The following LCORL variants were observed in gnomAD, a reference collection of about 807,000 sequenced individuals.
LCORL encodes ligand dependent nuclear receptor corepressor like.
A neutral mutation model predicts 141.8 loss-of-function variants in LCORL; 41 were observed. The observed-to-expected ratio is 0.29, with a 90% CI of 0.23 to 0.38. The LOEUF (loss-of-function observed/expected upper bound fraction) is 0.38, where lower values mean the gene tolerates loss of function less well. Ranked by LOEUF, LCORL falls within the 10% of genes least tolerant of loss-of-function variation. The pLI, the probability that LCORL is intolerant of heterozygous loss-of-function variation, is 1.00. For synonymous variants in LCORL, 618 were observed against 694.1 expected (o/e 0.89, Z 1.72); for missense variants, 1,759 against 2,035.0 (o/e 0.86, Z 2.61).
chr4:17,947,935 G>C (rs911424069), intron 4 of LCORL, among the ~76,000 whole-genome samples: 4 of 151,894 alleles, frequency 2.6e-5, no homozygotes, highest in African/African-American at 9.7e-5. Flanking sequence ...AACAGGAAAG[G>C]AATCAGGGAA....
chr4:17,986,972 C>T (rs1364381386), intron 1 of LCORL, among the ~76,000 whole-genome samples: 2 of 151,768 alleles, frequency 1.3e-5, no homozygotes, highest in African/African-American at 4.8e-5. Flanking sequence ...TTGTTTTATG[C>T]TTTGTATATT....
At chr4:17,929,228 C>G (rs1020830432) in intron 4 of LCORL, among the ~76,000 whole-genome samples, 2 of 152,138 alleles carry the variant, frequency 1.3e-5, no homozygotes, top group Non-Finnish European at 2.9e-5. Flanking sequence ...ACAGGTTCAA[C>G]AGAATCCCTA....
exon 7 of LCORL, chr4:17,877,881 C>G (rs940235352): frequency 9.8e-5 from 120 of 1,230,588 alleles, no homozygotes; most frequent in Non-Finnish European, 1.1e-4. Flanking sequence ...GCAAGATAAA[C>G]AATGTAAATC....
At chr4:17,993,708 G>T (rs1720436794) in intron 1 of LCORL, among the ~76,000 whole-genome samples, 1 of 152,106 alleles carries the variant, frequency 6.6e-6, no homozygotes, top group Non-Finnish European at 1.5e-5. Context: ...TCAAGAAACA[G>T]GATTAGCTTT....
At chr4:17,885,770 G>A (rs1224311330) in intron 6 of LCORL, among the ~76,000 whole-genome samples, 1 of 151,836 alleles carries the variant, frequency 6.6e-6, no homozygotes, top group East Asian at 1.9e-4. Context: ...TGCGTCCTGA[G>A]TATTTAATTT....
chr4:18,009,365 A>C (rs748812253), intron 1 of LCORL, among the ~76,000 whole-genome samples: 4 of 150,766 alleles, frequency 2.7e-5, no homozygotes, highest in Middle Eastern at 3.5e-3. Context: ...TCTTGGCCCC[A>C]AAATCCCTAC....
At chr4:17,933,422 C>T (rs13104111) in intron 4 of LCORL, among the ~76,000 whole-genome samples, 23 of 151,948 alleles carry the variant, frequency 1.5e-4, no homozygotes, top group African/African-American at 5.6e-4. Flanking sequence ...TCATAGCTTT[C>T]TCCAAAGACT....
intron 1 of LCORL, among the ~76,000 whole-genome samples, chr4:18,002,249 T>TA (rs1343305036): frequency 3.3e-5 from 5 of 152,340 alleles, no homozygotes; most frequent in African/African-American, 1.2e-4. Flanking sequence ...TATGGGTCTA[T>TA]AATAAGCAAT....
intron 2 of LCORL, among the ~76,000 whole-genome samples, chr4:17,971,875 T>A (rs1051377229): frequency 6.6e-6 from 1 of 151,642 alleles, no homozygotes; most frequent in Non-Finnish European, 1.5e-5. Context: ...ATTAAGAAAT[T>A]AAGAAAATCT....
At chr4:17,982,766 T>C (rs1718244593) in intron 1 of LCORL, among the ~76,000 whole-genome samples, 1 of 152,214 alleles carries the variant, frequency 6.6e-6, no homozygotes, top group African/African-American at 2.4e-5. Context: ...AGAAGCTCTT[T>C]AATTAGTTCC....
At chr4:18,013,710 C>G (rs1724168020) in intron 1 of LCORL, among the ~76,000 whole-genome samples, 1 of 152,136 alleles carries the variant, frequency 6.6e-6, no homozygotes, top group Non-Finnish European at 1.5e-5. Context: ...ATGTGCACAC[C>G]TTGCACATAC....
At chr4:18,019,790 T>C (rs1340198799) in intron 1 of LCORL, among the ~76,000 whole-genome samples, 1 of 152,212 alleles carries the variant, frequency 6.6e-6, no homozygotes, top group South Asian at 2.1e-4. Context: ...AGTGTTGCAA[T>C]GCTGTCATCC....
At chr4:17,981,958 C>T (rs1718063275) in intron 1 of LCORL, among the ~76,000 whole-genome samples, 1 of 152,048 alleles carries the variant, frequency 6.6e-6, no homozygotes, top group South Asian at 2.1e-4. Flanking sequence ...TCCATGTGTT[C>T]TCATCATTTA....
At chr4:17,946,416 C>A (rs1054724240) in intron 4 of LCORL, among the ~76,000 whole-genome samples, 3 of 151,948 alleles carry the variant, frequency 2.0e-5, no homozygotes, top group African/African-American at 7.2e-5. Context: ...CATTTTCCCA[C>A]CACTTATACC....
chr4:17,971,996 T>C (rs553595898), intron 2 of LCORL, among the ~76,000 whole-genome samples: 1 of 151,902 alleles, frequency 6.6e-6, no homozygotes, highest in Admixed American at 6.6e-5. Flanking sequence ...ATTTTTTTAA[T>C]TGATCAAATA....
intron 7 of LCORL, among the ~76,000 whole-genome samples, chr4:17,861,226 T>G (rs1724972896): frequency 6.6e-6 from 1 of 152,262 alleles, no homozygotes; most frequent in Non-Finnish European, 1.5e-5. Context: ...ATCTTTTGCC[T>G]GGGCATCCAG....
chr4:17,902,735 T>C (rs1731070012), intron 5 of LCORL, among the ~76,000 whole-genome samples: 1 of 152,110 alleles, frequency 6.6e-6, no homozygotes. Flanking sequence ...TCATATATTT[T>C]ATTCAATATA....
intron 4 of LCORL, among the ~76,000 whole-genome samples, chr4:17,935,865 A>C (rs1410909543): frequency 1.3e-5 from 2 of 152,214 alleles, no homozygotes; most frequent in African/African-American, 4.8e-5. Flanking sequence ...AATAACAAAA[A>C]TATGGAATGA....
chr4:17,891,187 A>G (rs572644711), intron 5 of LCORL, among the ~76,000 whole-genome samples: 1 of 152,274 alleles, frequency 6.6e-6, no homozygotes, highest in Non-Finnish European at 1.5e-5. Context: ...CAGTTCTCAC[A>G]ACAACCGGAT....
Sources: gnomAD v4.1 joint callset for allele counts (sites outside exome capture counted in the v4.1 genomes callset) on GRCh38, gnomAD v4.1.1 for gene constraint, MANE v1.5 for transcripts, NCBI Gene and HGNC (gene_info 2026-07-23, HGNC 2026-07-21) for gene names.